Variants in LRRC4C observed in about 807,000 individuals in gnomAD.
The protein encoded by LRRC4C is leucine rich repeat containing 4C, also known as leucine-rich repeat-containing protein 4C.
A neutral mutation model predicts 33.6 loss-of-function variants in LRRC4C; 5 were observed. The observed-to-expected ratio is 0.15, with a 90% CI of 0.08 to 0.31. The LOEUF (loss-of-function observed/expected upper bound fraction) is 0.31, where lower values mean the gene tolerates loss of function less well. LRRC4C is among the 10% of genes least tolerant of loss of function. LRRC4C has a pLI of 1.00. For synonymous variants in LRRC4C, 329 were observed against 302.0 expected (o/e 1.09, Z -0.93); for missense variants, 560 against 796.7 (o/e 0.70, Z 3.58).
chr11:40,654,264 C>T (rs1262452889), intron 2 of LRRC4C, among the ~76,000 whole-genome samples: 1 of 152,162 alleles, frequency 6.6e-6, no homozygotes, highest in African/African-American at 2.4e-5. Flanking sequence ...GGTAGATCCA[C>T]TGACATTTTG....
intron 2 of LRRC4C, among the ~76,000 whole-genome samples, chr11:40,929,895 C>A (rs1565213543): frequency 6.6e-6 from 1 of 152,126 alleles, no homozygotes; most frequent in Non-Finnish European, 1.5e-5. Flanking sequence ...TAAACAGTTA[C>A]ATTTAATTTA....
chr11:40,812,695 A>G (rs995379197), intron 2 of LRRC4C, among the ~76,000 whole-genome samples: 6 of 152,092 alleles, frequency 3.9e-5, no homozygotes, highest in African/African-American at 1.5e-4. Flanking sequence ...CTAATGGCAT[A>G]CATCCCAGTA....
intron 2 of LRRC4C, among the ~76,000 whole-genome samples, chr11:40,930,981 T>G (rs921218058): frequency 1.3e-5 from 2 of 152,172 alleles, no homozygotes; most frequent in African/African-American, 2.4e-5. Context: ...GACTGTAAGA[T>G]CTCCCAAAGG....
chr11:40,333,692 G>T (rs1279112294), intron 3 of LRRC4C, among the ~76,000 whole-genome samples: 1 of 134,192 alleles, frequency 7.5e-6, no homozygotes, highest in African/African-American at 2.8e-5. Flanking sequence ...ACTCCAGCCA[G>T]TGGGACAAGA....
At chr11:41,404,393 G>A (rs1381558780) in intron 1 of LRRC4C, among the ~76,000 whole-genome samples, 1 of 151,728 alleles carries the variant, frequency 6.6e-6, no homozygotes, top group Non-Finnish European at 1.5e-5. Flanking sequence ...TCAATTAGTG[G>A]AGATGGCCCA....
chr11:40,590,550 C>T (rs961857956), intron 3 of LRRC4C, among the ~76,000 whole-genome samples: 12 of 152,214 alleles, frequency 7.9e-5, no homozygotes, highest in East Asian at 5.8e-4. Flanking sequence ...AGAGGAGAGG[C>T]GCTCTGCTTT....
At chr11:40,647,196 G>T (rs1373403923) in intron 3 of LRRC4C, among the ~76,000 whole-genome samples, 1 of 152,196 alleles carries the variant, frequency 6.6e-6, no homozygotes, top group Non-Finnish European at 1.5e-5. Context: ...ATATTAATAG[G>T]AAAATGCATG....
intron 3 of LRRC4C, among the ~76,000 whole-genome samples, chr11:40,583,085 C>T (rs540405473): frequency 5.9e-5 from 9 of 152,252 alleles, no homozygotes; most frequent in African/African-American, 2.2e-4. Context: ...TGTATTTATA[C>T]TCATTAACCA....
intron 5 of LRRC4C, among the ~76,000 whole-genome samples, chr11:40,150,799 A>G (rs1176730614): frequency 6.6e-6 from 1 of 152,184 alleles, no homozygotes; most frequent in East Asian, 1.9e-4. Flanking sequence ...TGAAGGGAGA[A>G]GTAGATCAGT....
intron 3 of LRRC4C, among the ~76,000 whole-genome samples, chr11:40,320,494 A>T (rs1309924516): frequency 6.6e-6 from 1 of 152,170 alleles, no homozygotes; most frequent in Non-Finnish European, 1.5e-5. Context: ...CGACAGAGTG[A>T]GACTCTGTCT....
intron 3 of LRRC4C, among the ~76,000 whole-genome samples, chr11:40,550,659 T>G (rs1190227765): frequency 6.6e-6 from 1 of 152,130 alleles, no homozygotes; most frequent in Non-Finnish European, 1.5e-5. Context: ...CAAGTGTTAT[T>G]TATGGTATAT....
chr11:40,988,713 CTTT>C (rs869034558), intron 1 of LRRC4C, among the ~76,000 whole-genome samples: 7,541 of 57,434 alleles, frequency 0.13, 375 homozygotes, highest in African/African-American at 0.24. Context: ...CTTTTCTTTT[CTTT>C]TTTTTTTTTT....
intron 1 of LRRC4C, among the ~76,000 whole-genome samples, chr11:41,154,404 T>C (rs1364202348): frequency 6.6e-6 from 1 of 152,152 alleles, no homozygotes; most frequent in African/African-American, 2.4e-5. Flanking sequence ...ATATAATAAT[T>C]GGTATTTAGT....
At chr11:41,045,219 G>A (rs957803486) in intron 1 of LRRC4C, among the ~76,000 whole-genome samples, 2 of 151,918 alleles carry the variant, frequency 1.3e-5, no homozygotes, top group African/African-American at 4.8e-5. Context: ...TTTTATACTT[G>A]ATTTTTTTCA....
At chr11:41,340,163 G>A (rs1287514568) in intron 1 of LRRC4C, among the ~76,000 whole-genome samples, 1 of 152,094 alleles carries the variant, frequency 6.6e-6, no homozygotes, top group Non-Finnish European at 1.5e-5. Flanking sequence ...GAACACAGAG[G>A]ACGAAAGAAT....
At chr11:41,232,747 GACACACACACACAC>G (rs34632647) in intron 1 of LRRC4C, among the ~76,000 whole-genome samples, 1 of 143,540 alleles carries the variant, frequency 7.0e-6, no homozygotes, top group East Asian at 2.0e-4. Context: ...GTGTTATCAA[GACACACACACACAC>G]ACACACACAC....
At chr11:40,131,435 C>CAGT (rs1856637166) in intron 6 of LRRC4C, among the ~76,000 whole-genome samples, 1 of 152,108 alleles carries the variant, frequency 6.6e-6, no homozygotes, top group Non-Finnish European at 1.5e-5. Context: ...TCCTTAGCAG[C>CAGT]AGTAACCTGT....
chr11:41,180,130 G>A (rs1164322763), intron 1 of LRRC4C, among the ~76,000 whole-genome samples: 1 of 152,112 alleles, frequency 6.6e-6, no homozygotes, highest in African/African-American at 2.4e-5. Flanking sequence ...GTTTCAGATA[G>A]ATCTAAAAAC....
chr11:40,290,065 A>C (rs1944089703), intron 4 of LRRC4C, among the ~76,000 whole-genome samples: 1 of 152,188 alleles, frequency 6.6e-6, no homozygotes, highest in African/African-American at 2.4e-5. Context: ...TGTAGAAAAT[A>C]AAATCTCCTC....
Sources: allele counts gnomAD v4.1 joint callset (sites outside exome capture counted in the v4.1 genomes callset), GRCh38; gene constraint gnomAD v4.1.1; transcripts MANE v1.5; gene names NCBI Gene and HGNC (gene_info 2026-07-23, HGNC 2026-07-21).